Variants in ABCA1 observed in about 807,000 individuals in gnomAD.
The protein encoded by ABCA1 is ATP binding cassette subfamily A member 1, also known as phospholipid-transporting ATPase ABCA1.
Under a neutral mutation model 262.5 loss-of-function variants are expected in ABCA1, and 133 were observed. The observed-to-expected ratio is 0.51, with a 90% confidence interval of 0.44 to 0.59. ABCA1 has a LOEUF of 0.59. Ranked by LOEUF, ABCA1 falls within the 20% of genes least tolerant of loss-of-function variation. The probability of loss-of-function intolerance (pLI) is 0.00; values close to 1 mark genes in which losing one functional copy is unlikely to be tolerated. For synonymous variants in ABCA1, 1,022 were observed against 1,043.5 expected (o/e 0.98, Z 0.40); for missense variants, 2,452 against 2,777.5 (o/e 0.88, Z 2.63).
intron 25 of ABCA1, among the ~76,000 whole-genome samples, chr9:104,815,403 C>A (rs1451407058): frequency 6.6e-6 from 1 of 152,094 alleles, no homozygotes; most frequent in Non-Finnish European, 1.5e-5. Context: ...GCTTGGAGAC[C>A]ACTTGGCCAG....
intron 22 of ABCA1, 137 bp downstream of exon 22, chr9:104,819,449 G>A: frequency 8.1e-7 from 1 of 1,236,138 alleles, no homozygotes; most frequent in Non-Finnish European, 1.2e-6. Context: ...CAGTCTCAAT[G>A]CCCTTTATCT....
At position 104,819,966 on chromosome 9, in the gene ABCA1, G is replaced by C. The variant is rs1445490922; in HGVS notation, c.3064C>G (p.Pro1022Ala). The stretch of plus-strand genomic sequence containing the variant: ...GTTTTGCTTTTCAGCTTGCTTGATG[G>C]CAAACCAACATCCAGGGCCATCTGC... ...MEQMALDVGL[P>A]SSKLKSKTSQ... Residue 1022 changes from proline to alanine, a missense_variant, in exon 21 of 50, where the codon CCA becomes GCA. Around this residue, in one of 4 missense-constraint regions of ABCA1, gnomAD observed 665 missense variants for 727.3 expected, o/e 0.91. Coordinates refer to ENST00000374736, the MANE Select transcript of ABCA1 (RefSeq NM_005502.4). 2 of 1,613,826 alleles carry C rather than the reference G, an allele frequency of 1.2e-6. No homozygotes were observed. Among genetic ancestry groups the C allele is most frequent in the African/African-American group, 2.7e-5 (2 of 74,914 alleles).
chr9:104,799,607 T>C (rs771364108), intron 36 of ABCA1: 49 of 985,346 alleles, frequency 5.0e-5, no homozygotes, highest in Non-Finnish European at 5.8e-5. Context: ...GATTTTTACA[T>C]ATCAGTGTCA....
intron 1 of ABCA1, among the ~76,000 whole-genome samples, chr9:104,909,533 T>A (rs1435855656): frequency 3.3e-5 from 5 of 151,836 alleles, no homozygotes; most frequent in African/African-American, 4.8e-5. Flanking sequence ...ATTATAAAAT[T>A]ACTTTTACTT....
Position 104,884,578 on chromosome 9 carries a change from T to A in ABCA1, c.161-10A>T. The A allele has an allele frequency of 6.2e-7, 1 of 1,614,124 alleles. No homozygotes were observed. Among genetic ancestry groups the A allele is most frequent in the Non-Finnish European group, 8.5e-7 (1 of 1,179,990 alleles). On this transcript the variant is annotated splice_polypyrimidine_tract_variant and intron_variant, in intron 3 of 49. Coordinates refer to ENST00000374736, the MANE Select transcript of ABCA1 (RefSeq NM_005502.4). ...TTATTTGGAAAATGGCCTGTTGAAA[T>A]CGAGGAGTAGAAAAACACAGGGAGA...
intron 1 of ABCA1, among the ~76,000 whole-genome samples, chr9:104,911,459 C>A (rs1841493856): frequency 6.6e-6 from 1 of 152,196 alleles, no homozygotes; most frequent in Non-Finnish European, 1.5e-5. Flanking sequence ...AGGTTCACTG[C>A]ACCCATGATT....
At chr9:104,845,085 T>C (rs967090029) in intron 8 of ABCA1, among the ~76,000 whole-genome samples, 6 of 152,204 alleles carry the variant, frequency 3.9e-5, no homozygotes, top group Non-Finnish European at 7.4e-5. Context: ...CAAGCATGTG[T>C]GTTGGTAAAA....
intron 2 of ABCA1, among the ~76,000 whole-genome samples, chr9:104,898,496 G>A (rs1200436957): frequency 2.6e-5 from 4 of 151,686 alleles, no homozygotes; most frequent in Non-Finnish European, 2.9e-5. Context: ...GCAGTGAGCC[G>A]AGATTGCTCC....
chr9:104,915,510 A>C (rs1251843122), intron 1 of ABCA1, among the ~76,000 whole-genome samples: 1 of 152,146 alleles, frequency 6.6e-6, no homozygotes, highest in East Asian at 1.9e-4. Context: ...AAAAACAAAA[A>C]CTTAAGGGTG....
At chr9:104,858,032 T>C (rs189063579) in intron 7 of ABCA1, among the ~76,000 whole-genome samples, 1 of 152,336 alleles carries the variant, frequency 6.6e-6, no homozygotes, top group East Asian at 1.9e-4. Flanking sequence ...GGAATTTTTC[T>C]TTGCAATGTT....
At chr9:104,799,076 C>A (rs987932708) in intron 36 of ABCA1, among the ~76,000 whole-genome samples, 1 of 152,114 alleles carries the variant, frequency 6.6e-6, no homozygotes, top group Non-Finnish European at 1.5e-5. Flanking sequence ...CTAACACATA[C>A]AAAAATTCTG....
Position 104,817,087 on chromosome 9 carries a change from C to G in ABCA1, c.3535+245G>C, listed in dbSNP as rs1393132258. On this transcript the variant is annotated intron_variant, in intron 24 of 49. Coordinates refer to ENST00000374736, the MANE Select transcript of ABCA1 (RefSeq NM_005502.4). The surrounding 1 kb of genome is among the most constrained non-coding windows in gnomAD (Gnocchi z 4.7). ...CCACTCCCCTAAGGGATTCCCCAAACCCCAATCATCTCAGCTCTCTGGGAC... is the reference window on the plus strand; with the variant it reads ...CCACTCCCCTAAGGGATTCCCCAAAGCCCAATCATCTCAGCTCTCTGGGAC... 1 of 513,494 alleles carries G rather than the reference C, an allele frequency of 1.9e-6. No homozygotes were observed. Among genetic ancestry groups the G allele is most frequent in the East Asian group, 1.5e-4 (1 of 6,722 alleles). 31.8% of individuals were successfully genotyped at this position (513,494 alleles called of 1,614,324 possible).
In ABCA1 at chr9:104,840,146, A is replaced by G. The variant is rs1834235067; in HGVS notation, c.1054+133T>C. 7 of 1,480,084 alleles carry G rather than the reference A, an allele frequency of 4.7e-6. No homozygotes were observed. The African/African-American group carries it at 9.7e-5, about 21-fold the overall frequency. 91.7% of individuals were successfully genotyped at this position (1,480,084 alleles called of 1,614,324 possible). ...AGAGAAGCCTCTCTCCTCTAGGAAG[A>G]GCTCAGTCTGGTGGGCAAATGGGCA... On this transcript the variant is annotated intron_variant, in intron 9 of 49. Coordinates refer to ENST00000374736, the MANE Select transcript of ABCA1 (RefSeq NM_005502.4).
intron 20 of ABCA1, among the ~76,000 whole-genome samples, chr9:104,820,433 C>T (rs956570257): frequency 6.6e-6 from 1 of 152,108 alleles, no homozygotes; most frequent in South Asian, 2.1e-4. Flanking sequence ...CCTGGAGCAG[C>T]CTTCCTGAGC....
chr9:104,905,687 T>G (rs891564921), intron 1 of ABCA1, among the ~76,000 whole-genome samples: 1 of 152,206 alleles, frequency 6.6e-6, no homozygotes, highest in Admixed American at 6.5e-5. Context: ...CCCAAATTGT[T>G]TTCTAAGTGG....
chr9:104,923,789 C>T (rs1328763336), intron 1 of ABCA1, among the ~76,000 whole-genome samples: 1 of 152,220 alleles, frequency 6.6e-6, no homozygotes, highest in East Asian at 1.9e-4. Flanking sequence ...CCTGTAATCC[C>T]AGCACTTTGG....
chr9:104,822,089 C>T (rs766569911), intron 19 of ABCA1, among the ~76,000 whole-genome samples: 8 of 152,196 alleles, frequency 5.3e-5, no homozygotes, highest in Non-Finnish European at 8.8e-5. Flanking sequence ...CTGTAAGGTC[C>T]TTGAGGTCGC....
At chr9:104,914,562 TACA>T (rs1304602149) in intron 1 of ABCA1, among the ~76,000 whole-genome samples, 1 of 151,766 alleles carries the variant, frequency 6.6e-6, no homozygotes, top group African/African-American at 2.4e-5. Context: ...CAGCTCTACC[TACA>T]ATCTTCTCTA....
At chr9:104,914,973 A>G (rs1276170008) in intron 1 of ABCA1, among the ~76,000 whole-genome samples, 1 of 152,234 alleles carries the variant, frequency 6.6e-6, no homozygotes, top group Non-Finnish European at 1.5e-5. Flanking sequence ...TAAACATGCC[A>G]TCAAGCAAGG....
Sources: allele counts gnomAD v4.1 joint callset (sites outside exome capture counted in the v4.1 genomes callset), GRCh38; gene constraint gnomAD v4.1.1; regional missense constraint gnomAD v4.1.1; non-coding constraint Gnocchi (gnomAD v3.1); transcripts MANE v1.5; gene names NCBI Gene and HGNC (gene_info 2026-07-23, HGNC 2026-07-21).